PHLDA3: variants seen among roughly 807,000 people sequenced by gnomAD.
PHLDA3 encodes the protein pleckstrin homology like domain family A member 3, also known as pleckstrin homology-like domain family A member 3.
Under a neutral mutation model 7.6 loss-of-function variants are expected in PHLDA3, and 12 were observed. The ratio of observed to expected loss-of-function variants is 1.58; its 90% CI spans 1.01 to 2.55. The LOEUF (loss-of-function observed/expected upper bound fraction) is 2.55. PHLDA3 is among the 30% of genes most tolerant of loss of function. The pLI, the probability that PHLDA3 is intolerant of heterozygous loss-of-function variation, is 0.00. For missense variants in PHLDA3, 177 were observed against 175.6 expected (o/e 1.01, Z -0.05); for synonymous variants, 104 against 85.1 (o/e 1.22, Z -1.23).
In PHLDA3 at chr1:201,469,041, C is replaced by T; in HGVS notation, c.-255G>A. 2 of 389,202 alleles carry T rather than the reference C, an allele frequency of 5.1e-6. No homozygotes were observed. The highest frequency in any genetic ancestry group is 8.9e-6 in the Non-Finnish European group (2 of 224,192). The allele number at this position is 389,202 out of a possible 1,614,324, so 24.1% of individuals were successfully genotyped here. ...CGCTCCTCCGCTCTACCCCAGCTGG[C>T]CCAGCCCGACCCGCCTCTGCCAGAT... On this transcript the variant is annotated 5_prime_UTR_variant, in exon 1 of 2. Coordinates refer to ENST00000367311, the MANE Select transcript of PHLDA3 (RefSeq NM_012396.5).
intron 1 of PHLDA3, chr1:201,467,554 T>C (rs552916700): frequency 5.3e-5 from 8 of 152,204 alleles, no homozygotes; most frequent in Admixed American, 3.9e-4. Context: ...GAGGTTGCAA[T>C]GAGCCAAGAT....
chr1:201,466,419 C>G (rs2102392964), intron 1 of PHLDA3: 1 of 152,262 alleles, frequency 6.6e-6, no homozygotes, highest in South Asian at 2.1e-4. Context: ...CAGCTAAACC[C>G]TAACTACAAT....
chr1:201,468,457 G>C lies in PHLDA3; in HGVS notation c.330C>G (p.Ala110=). 3.7e-6 allele frequency: 6 copies of C among 1,614,196 alleles called. No homozygotes were observed. The highest frequency in any genetic ancestry group is 5.1e-6 in the Non-Finnish European group (6 of 1,180,020). Residue 110 remains alanine (A), a synonymous_variant, in exon 1 of 2, where the codon GCC becomes GCG. Coordinates refer to ENST00000367311, the MANE Select transcript of PHLDA3 (RefSeq NM_012396.5). ...TCTGCCGGGCCCGCACTGTCTGGAT[G>C]GCCTGCTGGTTCTTGAACTTGACCA... ...LGLVKFKNQQ[A]IQTVRARQSL... is the part of the protein sequence containing the mutation.
rs1482144051 is a variant in PHLDA3, at chr1:201,467,630, A to AT, written c.*62+710_*62+711insA. The AT allele has an allele frequency of 2.1e-5, 3 of 140,782 alleles. No individual in the cohort carries two copies. The East Asian group carries it at 6.4e-4, about 30-fold the overall frequency. 8.7% of individuals were successfully genotyped at this position (140,782 alleles called of 1,614,324 possible). A position where few individuals can be genotyped will look rare whatever the true frequency, so the allele number is the denominator to read the frequency against. On this transcript the variant is annotated intron_variant, in intron 1 of 1. Transcript: ENST00000367311. ...TGTCTCAAACAACAACAACAACAACAACAAACCATACACACACACACACAC... is the reference window on the plus strand; with the variant it reads ...TGTCTCAAACAACAACAACAACAACATACAAACCATACACACACACACACAC...
Position 201,468,830 on chromosome 1 carries a change from C to G in PHLDA3, c.-44G>C, listed in dbSNP as rs933013942. The G allele has an allele frequency of 2.7e-6, 4 of 1,471,068 alleles. No individual in the cohort carries two copies. In the East Asian group the frequency reaches 1.1e-4, roughly 40 times the overall value. 91.1% of individuals were successfully genotyped at this position (1,471,068 alleles called of 1,614,324 possible). ...GGAAAGCTCCAGGCTGCGGCGGGCG[C>G]GGCGCCCCTCTCGGCCCCGCAGCGC... On this transcript the variant is annotated 5_prime_UTR_variant, in exon 1 of 2. Transcript: ENST00000367311.
chr1:201,468,207 T>C, intron 1 of PHLDA3, 134 bp downstream of exon 1: 1 of 672,248 alleles, frequency 1.5e-6, no homozygotes, highest in Non-Finnish European at 2.4e-6. Flanking sequence ...AAGCCTCCCA[T>C]GCCCTCAGTT....
rs535346892 is a variant in PHLDA3, at chr1:201,469,156, G to A, written c.-370C>T. 12 of 210,786 alleles carry A rather than the reference G, an allele frequency of 5.7e-5. No homozygotes were observed. The highest frequency in any genetic ancestry group is 2.4e-4 in the Admixed American group (4 of 16,486). 13.1% of individuals were successfully genotyped at this position (210,786 alleles called of 1,614,324 possible). On this transcript the variant is annotated 5_prime_UTR_variant, in exon 1 of 2. Coordinates refer to ENST00000367311, the MANE Select transcript of PHLDA3 (RefSeq NM_012396.5). ...GTCTGCGCGCTGGGCGGCAGCTCGC[G>A]GGATGTGCCCTTACATGTTCCGCCG...
rs777599476 is a variant in PHLDA3, at chr1:201,468,591, TCTCCACGCA to T, written c.187_195del (p.Cys63_Glu65del). ...GTGAAGTAGATGTGGCGCCCGGTGC[TCTCCACGCA>T]CTCCACGGCCTTGATGCGGGCGAAG... On this transcript the variant is annotated inframe_deletion, in exon 1 of 2. Transcript: ENST00000367311. 36 of 1,613,830 alleles carry T rather than the reference TCTCCACGCA, an allele frequency of 2.2e-5. No individual in the cohort carries two copies. In the East Asian group the frequency reaches 8.0e-4, roughly 36 times the overall value.
At chr1:201,468,094 C>T (rs896270704) in intron 1 of PHLDA3, among the ~76,000 whole-genome samples, 14 of 152,238 alleles carry the variant, frequency 9.2e-5, no homozygotes, top group Non-Finnish European at 1.8e-4. Context: ...GTATCCCCCT[C>T]CCAGGGCTTC....
In PHLDA3 at chr1:201,468,447, C is replaced by G; in HGVS notation, c.340G>C (p.Val114Leu). The change falls in exon 1 of 2, where the codon GTG (valine) becomes CTG (leucine). Residue 114 changes from valine to leucine, a missense_variant. Physicochemically the swap from Val to Leu is conservative, Grantham distance 32 (BLOSUM62 1). Transcript: ENST00000367311. ...GTCCCGAGGCTCTGCCGGGCCCGCA[C>G]TGTCTGGATGGCCTGCTGGTTCTTG... ...KFKNQQAIQT[V>L]RARQSLGTGT... is the part of the protein sequence containing the mutation. 3 of 1,614,122 alleles carry G rather than the reference C, an allele frequency of 1.9e-6. No individual in the cohort carries two copies. The highest frequency in any genetic ancestry group is 2.2e-5 in the East Asian group (1 of 44,884).
Position 201,468,456 on chromosome 1 carries a change from T to A in PHLDA3, c.331A>T (p.Ile111Phe). ...GLVKFKNQQA[I>F]QTVRARQSLG... The stretch of plus-strand genomic sequence containing the variant: ...CTCTGCCGGGCCCGCACTGTCTGGA[T>A]GGCCTGCTGGTTCTTGAACTTGACC... Residue 111 changes from isoleucine to phenylalanine, a missense_variant, in exon 1 of 2, where the codon ATC (isoleucine) becomes TTC (phenylalanine). Ile to Phe is a conservative substitution (Grantham distance 21, BLOSUM62 0). Coordinates refer to ENST00000367311, the MANE Select transcript of PHLDA3 (RefSeq NM_012396.5). 1.9e-6 allele frequency: 3 copies of A among 1,614,186 alleles called. No individual in the cohort carries two copies. The highest frequency in any genetic ancestry group is 2.2e-5 in the East Asian group (1 of 44,884).
In PHLDA3 at chr1:201,468,958, A is replaced by C; in HGVS notation, c.-172T>G. On this transcript the variant is annotated 5_prime_UTR_variant, in exon 1 of 2. Coordinates refer to ENST00000367311, the MANE Select transcript of PHLDA3 (RefSeq NM_012396.5). ...GGCCCTCAGCACCCGGCTGCCGGTG[A>C]GGTGGTGTCGGTGCCCCCAGCGCGC... 3 of 602,116 alleles carry C rather than the reference A, an allele frequency of 5.0e-6. No individual in the cohort carries two copies. 37.3% of individuals were successfully genotyped at this position (602,116 alleles called of 1,614,324 possible). A position where few individuals can be genotyped will look rare whatever the true frequency, so the allele number is the denominator to read the frequency against.
At chr1:201,468,008 G>A (rs1400560769) in intron 1 of PHLDA3, among the ~76,000 whole-genome samples, 1 of 152,238 alleles carries the variant, frequency 6.6e-6, no homozygotes, top group Non-Finnish European at 1.5e-5. Flanking sequence ...GGGGCAATGT[G>A]CAGGCCAACC....
In PHLDA3 at chr1:201,468,321, C is replaced by A; in HGVS notation, c.*62+20G>T. The A allele has an allele frequency of 6.8e-7, 1 of 1,469,116 alleles. No individual in the cohort carries two copies. The highest frequency in any genetic ancestry group is 9.4e-7 in the Non-Finnish European group (1 of 1,066,284). The allele number at this position is 1,469,116 out of a possible 1,614,324, so 91.0% of individuals were successfully genotyped here. On this transcript the variant is annotated intron_variant, in intron 1 of 1. Transcript: ENST00000367311. Reference sequence around the variant, plus strand: ...AAGGGAGGGAAGGAGAGAAGAGGGCCCAGTCCCCCGGGGGCTTACCTGCCT... The same window carrying A: ...AAGGGAGGGAAGGAGAGAAGAGGGCACAGTCCCCCGGGGGCTTACCTGCCT...
intron 1 of PHLDA3, among the ~76,000 whole-genome samples, chr1:201,466,965 C>T (rs909562906): frequency 1.3e-4 from 20 of 152,160 alleles, no homozygotes; most frequent in Non-Finnish European, 2.4e-4. Context: ...AGTTGCCTAT[C>T]CTTCAGCTCC....
chr1:201,468,291 A>G lies in PHLDA3; in HGVS notation c.*62+50T>C, dbSNP rs568171459. On this transcript the variant is annotated intron_variant, in intron 1 of 1. Coordinates refer to ENST00000367311, the MANE Select transcript of PHLDA3 (RefSeq NM_012396.5). ...TAGTCCTCATTCTCTCTGTAGGGGA[A>G]AGAGAAGGGAGGGAAGGAGAGAAGA... 8 of 1,188,644 alleles carry G rather than the reference A, an allele frequency of 6.7e-6. No individual in the cohort carries two copies. The East Asian group carries it at 1.9e-4, about 28-fold the overall frequency. 73.6% of individuals were successfully genotyped at this position (1,188,644 alleles called of 1,614,324 possible). A position where few individuals can be genotyped will look rare whatever the true frequency, so the allele number is the denominator to read the frequency against.
chr1:201,466,263 C>A (rs141184434), intron 1 of PHLDA3, 85 bp from the exon 2 acceptor site: 1 of 152,400 alleles, frequency 6.6e-6, no homozygotes, highest in Admixed American at 6.5e-5. Context: ...TACACCAGCA[C>A]TTCCCAGCCT....
At position 201,464,767 on chromosome 1, in the gene PHLDA3, T is replaced by C. The variant is rs936241312; in HGVS notation, c.*1474A>G. The C allele has an allele frequency of 2.0e-5, 3 of 152,136 alleles. No individual in the cohort carries two copies. Among genetic ancestry groups the C allele is most frequent in the Non-Finnish European group, 2.9e-5 (2 of 68,038 alleles). 9.4% of individuals were successfully genotyped at this position (152,136 alleles called of 1,614,324 possible). ...CCAGGGTTACCCAATCAAGTTTCTG[T>C]ACAACTCCAGGCAGCTATTGTCTGT... On this transcript the variant is annotated 3_prime_UTR_variant, in exon 2 of 2. Transcript: ENST00000367311.
At chr1:201,467,119 T>C (rs767572957) in intron 1 of PHLDA3, among the ~76,000 whole-genome samples, 1 of 151,552 alleles carries the variant, frequency 6.6e-6, no homozygotes, top group Non-Finnish European at 1.5e-5. Context: ...GAAACCAGCA[T>C]GGGCAACGTG....
Sources: gnomAD v4.1 joint callset for allele counts (sites outside exome capture counted in the v4.1 genomes callset) on GRCh38, gnomAD v4.1.1 for gene constraint, MANE v1.5 for transcripts, NCBI Gene and HGNC (gene_info 2026-07-23, HGNC 2026-07-21) for gene names.